PANK2: variants seen among roughly 807,000 people sequenced by gnomAD.
PANK2 encodes the protein pantothenate kinase 2, mitochondrial.
PANK2 carries 36 observed loss-of-function variants against 43.1 expected under a neutral mutation model. The observed-to-expected ratio is 0.84, with a 90% CI of 0.64 to 1.10. PANK2 has a LOEUF of 1.10. PANK2 is among the 50% of genes least tolerant of loss of function. The pLI, the probability that PANK2 is intolerant of heterozygous loss-of-function variation, is 0.00. For synonymous variants in PANK2, 281 were observed against 238.2 expected, an observed-to-expected ratio of 1.18 and a Z score of -1.66; for missense variants, 576 against 593.3, an observed-to-expected ratio of 0.97 and a Z score of 0.30.
chr20:3,917,531 A>T (rs1043321965), intron 5 of PANK2: 1 of 534,662 alleles, frequency 1.9e-6, no homozygotes, highest in African/African-American at 1.9e-5. Flanking sequence ...GCCTTGTAGC[A>T]TTCAGGTCAA....
Position 3,908,477 on chromosome 20 carries a change from A to G in PANK2, c.651+199A>G, listed in dbSNP as rs2282131. 0.68 allele frequency among the ~76,000 whole-genome samples: 102,757 copies of G among 151,954 alleles called. 35,061 individuals are homozygous for G. Among genetic ancestry groups the G allele is most frequent in the Admixed American group, 0.77 (11,733 of 15,280 alleles). ...TTCAGATGTATGGACGACAATCAGA[A>G]CCACTAAAAGGGTAGCATTTTATTG... On this transcript the variant is annotated intron_variant, in intron 2 of 6. Coordinates refer to ENST00000610179, the MANE Select transcript of PANK2 (RefSeq NM_001386393.1).
Position 3,928,267 on chromosome 20 carries a change from G to A in PANK2, c.*4973G>A, listed in dbSNP as rs2146918073. The A allele has an allele frequency of 6.6e-6, 1 of 152,276 alleles. No homozygotes were observed. Among genetic ancestry groups the A allele is most frequent in the Middle Eastern group, 3.4e-3 (1 of 294 alleles). The allele number at this position is 152,276 out of a possible 1,614,324, so 9.4% of individuals were successfully genotyped here. A position where few individuals can be genotyped will look rare whatever the true frequency, so the allele number is the denominator to read the frequency against. ...AATTTTTTCTCAAGTTTTGGGTTAG[G>A]GCACCAGTTGCAATTTTAATCCAGG... On this transcript the variant is annotated 3_prime_UTR_variant, in exon 7 of 7. Transcript: ENST00000610179.
Position 3,927,538 on chromosome 20 carries a change from G to C in PANK2, c.*4244G>C, listed in dbSNP as rs1301308580. The C allele has an allele frequency of 2.6e-5, 4 of 151,976 alleles. No individual in the cohort carries two copies. The highest frequency in any genetic ancestry group is 9.7e-5 in the African/African-American group (4 of 41,394). 9.4% of individuals were successfully genotyped at this position (151,976 alleles called of 1,614,324 possible). On this transcript the variant is annotated 3_prime_UTR_variant, in exon 7 of 7. Coordinates refer to ENST00000610179, the MANE Select transcript of PANK2 (RefSeq NM_001386393.1). Reference sequence around the variant, plus strand: ...AGCATTTCATAAACCTTTTTTTGAGGGAGTTACACAATACCTAGTGAGGAA... The same window carrying C: ...AGCATTTCATAAACCTTTTTTTGAGCGAGTTACACAATACCTAGTGAGGAA...
intron 1 of PANK2, among the ~76,000 whole-genome samples, chr20:3,899,815 C>T (rs934696395): frequency 6.7e-6 from 1 of 150,034 alleles, no homozygotes; most frequent in African/African-American, 2.5e-5. Context: ...TCACACCATT[C>T]TCCTGCCTCA....
intron 1 of PANK2, among the ~76,000 whole-genome samples, chr20:3,892,752 A>G (rs2090145261): frequency 1.3e-5 from 2 of 150,372 alleles, no homozygotes; most frequent in Admixed American, 6.6e-5. Context: ...TTGTCATTTG[A>G]AAGTCGAAGG....
chr20:3,920,228 T>G (rs1013761106), intron 6 of PANK2, among the ~76,000 whole-genome samples: 2 of 142,348 alleles, frequency 1.4e-5, no homozygotes, highest in African/African-American at 5.3e-5. Context: ...AAAAAAAAAA[T>G]AGGCTGGGTG....
chr20:3,913,455 T>G (rs183949896), intron 4 of PANK2, among the ~76,000 whole-genome samples: 1 of 152,068 alleles, frequency 6.6e-6, no homozygotes, highest in Non-Finnish European at 1.5e-5. Flanking sequence ...GCAATTCTCC[T>G]GCCTCAGCCT....
Position 3,923,170 on chromosome 20 carries a change from C to G in PANK2, c.1333-74C>G, listed in dbSNP as rs548501354. ...GTGTGGGCAGTGGTTGGCTTTAACA[C>G]TAGTCATCATGTGTAAGGTGATTTG... On this transcript the variant is annotated intron_variant, in intron 6 of 6. Coordinates refer to ENST00000610179, the MANE Select transcript of PANK2 (RefSeq NM_001386393.1). 2.6e-6 allele frequency: 4 copies of G among 1,535,146 alleles called. No individual in the cohort carries two copies. The South Asian group carries it at 4.5e-5, about 17-fold the overall frequency.
At position 3,913,881 on chromosome 20, in the gene PANK2, T is replaced by C. The variant is rs138122801; in HGVS notation, c.1082+1247T>C. On this transcript the variant is annotated intron_variant, in intron 4 of 6. Transcript: ENST00000610179. ...TCGGCTCACTGCAAGCTCTAGCTCCTGGGTTCATGCCATTCTTCTGCTTCA... is the reference window on the plus strand; with the variant it reads ...TCGGCTCACTGCAAGCTCTAGCTCCCGGGTTCATGCCATTCTTCTGCTTCA... Among the ~76,000 whole-genome samples the C allele has an allele frequency of 7.0e-3, 1,054 of 151,286 alleles. 10 individuals are homozygous for C. The highest frequency in any genetic ancestry group is 0.024 in the African/African-American group (988 of 41,216).
intron 1 of PANK2, chr20:3,891,154 A>G (rs1317750544): frequency 6.6e-6 from 1 of 152,132 alleles, no homozygotes; most frequent in African/African-American, 2.4e-5. Context: ...GGCTCAAGCC[A>G]TCCTCCTGCT....
intron 1 of PANK2, among the ~76,000 whole-genome samples, chr20:3,895,305 T>A (rs2090187834): frequency 6.6e-6 from 1 of 151,366 alleles, no homozygotes; most frequent in Admixed American, 6.6e-5. Context: ...AAATAAATAA[T>A]AATAAACAAA....
intron 2 of PANK2, 129 bp downstream of exon 2, chr20:3,908,407 G>C: frequency 1.1e-6 from 1 of 942,320 alleles, no homozygotes; most frequent in Non-Finnish European, 1.6e-6. Flanking sequence ...GAAGATTAAA[G>C]GTACGCTAGT....
At position 3,891,155 on chromosome 20, in the gene PANK2, T is replaced by G. The variant is rs2090116671; in HGVS notation, c.298+1427T>G. On this transcript the variant is annotated intron_variant, in intron 1 of 6. Coordinates refer to ENST00000610179, the MANE Select transcript of PANK2 (RefSeq NM_001386393.1). ...GCCTTAACCTCCTGGGCTCAAGCCA[T>G]CCTCCTGCTTCAACCTCCTGCATTG... 2.0e-5 allele frequency: 3 copies of G among 152,304 alleles called. No individual in the cohort carries two copies. The East Asian group carries it at 5.8e-4, about 29-fold the overall frequency. 9.4% of individuals were successfully genotyped at this position (152,304 alleles called of 1,614,324 possible).
rs750440690 is a variant in PANK2, at chr20:3,908,117, ACT to A, written c.493_494del (p.Leu165ValfsTer16). 9.9e-6 allele frequency: 16 copies of A among 1,613,934 alleles called. No individual in the cohort carries two copies. The highest frequency in any genetic ancestry group is 3.3e-5 in the Admixed American group (2 of 59,978). On this transcript the variant is annotated frameshift_variant, in exon 2 of 7. Coordinates refer to ENST00000610179, the MANE Select transcript of PANK2 (RefSeq NM_001386393.1). LOFTEE classifies it high-confidence loss of function. ...CGTGCACCTCGAGCTGAAGGACCTGACTCTGTGTGGACGCAAAGGCAATCTGC... is the reference window on the plus strand; with the variant it reads ...CGTGCACCTCGAGCTGAAGGACCTGACTGTGTGGACGCAAAGGCAATCTGC...
chr20:3,889,346 T>C, upstream of PANK2: 3 of 1,586,580 alleles, frequency 1.9e-6, no homozygotes, highest in Non-Finnish European at 2.6e-6. Flanking sequence ...TTCCTGCGCG[T>C]TGGCGCAACG....
rs760786898 is a variant in PANK2, at chr20:3,889,488, G to A, written c.58G>A (p.Gly20Ser). ...GCTGCGGATGGGAGGGGGCCGGCTC[G>A]GCGCGCCCATGGAGCGCCACGGCAG... The change falls in exon 1 of 7, where the codon GGC becomes AGC. Residue 20 changes from glycine to serine, a missense_variant. Physicochemically the swap from Gly to Ser is moderately conservative, Grantham distance 56 (BLOSUM62 0). Around this residue, in one of 2 missense-constraint regions of PANK2, gnomAD observed 544 missense variants for 528.9 expected, o/e 1.03. Coordinates refer to ENST00000610179, the MANE Select transcript of PANK2 (RefSeq NM_001386393.1). 6.7e-7 allele frequency: 1 copy of A among 1,484,576 alleles called. No homozygotes were observed. Among genetic ancestry groups the A allele is most frequent in the Non-Finnish European group, 8.9e-7 (1 of 1,126,908 alleles). 92.0% of individuals were successfully genotyped at this position (1,484,576 alleles called of 1,614,324 possible).
chr20:3,895,083 A>T (rs2090183506), intron 1 of PANK2, among the ~76,000 whole-genome samples: 1 of 152,060 alleles, frequency 6.6e-6, no homozygotes, highest in Non-Finnish European at 1.5e-5. Context: ...GTTCAAGACC[A>T]GCTTGGGCAA....
Position 3,926,541 on chromosome 20 carries a change from T to C in PANK2, c.*3247T>C, listed in dbSNP as rs1568594991. 1 of 152,296 alleles carries C rather than the reference T, an allele frequency of 6.6e-6. No homozygotes were observed. The highest frequency in any genetic ancestry group is 2.4e-5 in the African/African-American group (1 of 41,448). 9.4% of individuals were successfully genotyped at this position (152,296 alleles called of 1,614,324 possible). A position where few individuals can be genotyped will look rare whatever the true frequency, so the allele number is the denominator to read the frequency against. The stretch of plus-strand genomic sequence containing the variant: ...GCCACACAGGAAGGCTTTGGACGTT[T>C]TTTCTCCTGACACTAGTTATTTCCA... On this transcript the variant is annotated 3_prime_UTR_variant, in exon 7 of 7. Coordinates refer to ENST00000610179, the MANE Select transcript of PANK2 (RefSeq NM_001386393.1).
At chr20:3,917,668 T>C (rs1327757764) in intron 5 of PANK2, 1 of 212,346 alleles carries the variant, frequency 4.7e-6, no homozygotes, top group Non-Finnish European at 1.1e-5. Context: ...TTCTTTTATT[T>C]TTATTTTTAA....
Sources: allele counts gnomAD v4.1 joint callset (sites outside exome capture counted in the v4.1 genomes callset), GRCh38; gene constraint gnomAD v4.1.1; regional missense constraint gnomAD v4.1.1; transcripts MANE v1.5; gene names NCBI Gene and HGNC (gene_info 2026-07-23, HGNC 2026-07-21).